BAG3: variants seen among roughly 807,000 people sequenced by gnomAD.
BAG3 encodes the protein BAG cochaperone 3, also known as BAG family molecular chaperone regulator 3.
BAG3 carries 14 observed loss-of-function variants against 40.5 expected under a neutral mutation model. That is an observed-to-expected ratio of 0.35 (90% CI 0.23 to 0.54). BAG3 has a LOEUF of 0.54. Ranked by LOEUF, BAG3 falls within the 20% of genes least tolerant of loss-of-function variation. The pLI, the probability that BAG3 is intolerant of heterozygous loss-of-function variation, is 0.91. For synonymous variants in BAG3, 302 were observed against 307.8 expected (o/e 0.98, Z 0.20); for missense variants, 788 against 758.6 (o/e 1.04, Z -0.46).
chr10:119,651,779 G>C lies in BAG3; in HGVS notation c.104G>C (p.Gly35Ala). The C allele has an allele frequency of 6.2e-7, 1 of 1,601,962 alleles. No homozygotes were observed. The highest frequency in any genetic ancestry group is 8.5e-7 in the Non-Finnish European group (1 of 1,174,832). Residue 35 changes from glycine to alanine, a missense_variant, in exon 1 of 4, where the codon GGC (glycine) becomes GCC (alanine). By Grantham distance (60) the Gly-to-Ala change is moderately conservative. Coordinates refer to ENST00000369085, the MANE Select transcript of BAG3 (RefSeq NM_004281.4). ...GWEIKIDPQT[G>A]WPFFVDHNSR... ...GAGATCAAGATCGACCCGCAGACCG[G>C]CTGGCCCTTCTTCGTGGACCACAAC...
chr10:119,676,578 A>C lies in BAG3; in HGVS notation c.1024A>C (p.Ile342Leu). The C allele has an allele frequency of 6.2e-7, 1 of 1,614,100 alleles. No individual in the cohort carries two copies. The highest frequency in any genetic ancestry group is 8.5e-7 in the Non-Finnish European group (1 of 1,180,022). ...TCCTGGACACATCCCAATTCAAGTG[A>C]TCCGCAAAGAGGTGGATTCTAAACC... ...LPPGHIPIQV[I>L]RKEVDSKPVS... is the part of the protein sequence containing the mutation. The change falls in exon 4 of 4, where the codon ATC becomes CTC. Residue 342 changes from isoleucine to leucine, a missense_variant. By Grantham distance (5) the Ile-to-Leu change is conservative (BLOSUM62 2). Coordinates refer to ENST00000369085, the MANE Select transcript of BAG3 (RefSeq NM_004281.4).
chr10:119,667,590 G>C (rs1847084507), intron 1 of BAG3, among the ~76,000 whole-genome samples: 1 of 152,160 alleles, frequency 6.6e-6, no homozygotes, highest in Non-Finnish European at 1.5e-5. Context: ...CCATCCCTCA[G>C]GGCCTCCGTG....
chr10:119,655,954 G>A (rs776367459), intron 1 of BAG3, among the ~76,000 whole-genome samples: 11 of 152,148 alleles, frequency 7.2e-5, no homozygotes, highest in Non-Finnish European at 1.5e-4. Context: ...CTGCTTGTGA[G>A]TCAGAAAGCT....
intron 1 of BAG3, among the ~76,000 whole-genome samples, chr10:119,659,367 A>G (rs1365542496): frequency 1.3e-5 from 2 of 152,328 alleles, no homozygotes; most frequent in South Asian, 2.1e-4. Context: ...GGCAGGAGCT[A>G]GGAGCGCTGC....
chr10:119,675,092 G>A (rs1377771554), intron 3 of BAG3, among the ~76,000 whole-genome samples: 3 of 152,214 alleles, frequency 2.0e-5, no homozygotes, highest in Non-Finnish European at 4.4e-5. Context: ...AGCACTTTGG[G>A]AGGCCGAGGT....
At chr10:119,651,882 G>A in intron 1 of BAG3, 27 bp downstream of exon 1, 1 of 1,502,660 alleles carries the variant, frequency 6.7e-7, no homozygotes, top group Non-Finnish European at 8.9e-7. Context: ...GCCCGCCCTG[G>A]TCGGTGGCGC....
chr10:119,667,256 C>T (rs1379968535), intron 1 of BAG3, among the ~76,000 whole-genome samples: 5 of 152,182 alleles, frequency 3.3e-5, no homozygotes. Flanking sequence ...GTATTACAGG[C>T]TTGAGCCACC....
rs780162994 is a variant in BAG3, at chr10:119,676,713, C to T, written c.1159C>T (p.Pro387Ser). 4 of 1,614,136 alleles carry T rather than the reference C, an allele frequency of 2.5e-6. No homozygotes were observed. Among genetic ancestry groups the T allele is most frequent in the East Asian group, 2.2e-5 (1 of 44,882 alleles). Residue 387 changes from proline to serine, a missense_variant, in exon 4 of 4, where the codon CCC becomes TCC. Coordinates refer to ENST00000369085, the MANE Select transcript of BAG3 (RefSeq NM_004281.4). ...SPGPSAVPSS[P>S]KSVATEERAA... is the part of the protein sequence containing the mutation. ...TGGCCCTTCTGCTGTCCCCTCTTCC[C>T]CCAAGAGTGTGGCTACAGAAGAGAG...
At chr10:119,671,488 G>A (rs1324062262) in intron 2 of BAG3, among the ~76,000 whole-genome samples, 1 of 152,120 alleles carries the variant, frequency 6.6e-6, no homozygotes, top group East Asian at 1.9e-4. Context: ...ACCTGCCTTG[G>A]GCCACACGGG....
At chr10:119,666,491 T>C (rs910430885) in intron 1 of BAG3, among the ~76,000 whole-genome samples, 1 of 152,172 alleles carries the variant, frequency 6.6e-6, no homozygotes, top group East Asian at 1.9e-4. Context: ...TTGTTTTTCC[T>C]TCCTCCCTCT....
At chr10:119,673,596 C>T (rs1847181353) in intron 3 of BAG3, among the ~76,000 whole-genome samples, 3 of 152,346 alleles carry the variant, frequency 2.0e-5, no homozygotes, top group Middle Eastern at 3.4e-3. Context: ...CTGAATGCTA[C>T]AGTTTTTAAA....
intron 1 of BAG3, among the ~76,000 whole-genome samples, chr10:119,654,058 C>CT (rs1846878969): frequency 6.6e-6 from 1 of 152,208 alleles, no homozygotes; most frequent in South Asian, 2.1e-4. Flanking sequence ...AAGGAGAAAA[C>CT]TAACATTCAG....
At chr10:119,660,954 G>A (rs1455101065) in intron 1 of BAG3, among the ~76,000 whole-genome samples, 2 of 152,168 alleles carry the variant, frequency 1.3e-5, no homozygotes, top group African/African-American at 2.4e-5. Context: ...TTAGCTGGGT[G>A]TGGTGGCACA....
chr10:119,674,127 C>T (rs185527124), intron 3 of BAG3, among the ~76,000 whole-genome samples: 5 of 152,354 alleles, frequency 3.3e-5, no homozygotes, highest in African/African-American at 9.6e-5. Context: ...TTTGCTTTCA[C>T]GGCCTTGACG....
chr10:119,668,039 C>G (rs1388868083), intron 1 of BAG3, among the ~76,000 whole-genome samples: 1 of 152,238 alleles, frequency 6.6e-6, no homozygotes, highest in Non-Finnish European at 1.5e-5. Context: ...GAGGCCTGGA[C>G]CTGCTCCTGC....
Position 119,677,522 on chromosome 10 carries a change from G to A in BAG3, c.*240G>A, listed in dbSNP as rs532438186. 6.2e-4 allele frequency: 72 copies of A among 115,380 alleles called. No individual in the cohort carries two copies. Among genetic ancestry groups the A allele is most frequent in the Non-Finnish European group, 1.4e-3 (64 of 45,590 alleles). The allele number at this position is 115,380 out of a possible 1,614,324, so 7.1% of individuals were successfully genotyped here. ...TTTGAGAAGTTTAACCCCGTTGCTT[G>A]TTGTTCTGCAGCCCTGTCTACTTGG... On this transcript the variant is annotated 3_prime_UTR_variant, in exon 4 of 4. Coordinates refer to ENST00000369085, the MANE Select transcript of BAG3 (RefSeq NM_004281.4).
chr10:119,676,875 A>G lies in BAG3; in HGVS notation c.1321A>G (p.Asn441Asp), dbSNP rs201181493. ...ACAGGGGCTGGAGCAGGCTGTAGAC[A>G]ACTTTGAAGGCAAGAAGACTGACAA... ...KVQGLEQAVDNFEGKKTDKKY... is the reference protein window; with the variant it reads ...KVQGLEQAVDDFEGKKTDKKY... Residue 441 changes from asparagine to aspartate, a missense_variant, in exon 4 of 4, where the codon AAC becomes GAC. Physicochemically the swap from Asn to Asp is conservative, Grantham distance 23. Transcript: ENST00000369085. 6.4e-5 allele frequency: 103 copies of G among 1,614,094 alleles called. No individual in the cohort carries two copies. The highest frequency in any genetic ancestry group is 6.9e-5 in the Non-Finnish European group (82 of 1,180,048).
In BAG3 at chr10:119,676,604, T is replaced by G. The variant is rs765865667; in HGVS notation, c.1050T>G (p.Pro350=). The G allele has an allele frequency of 1.2e-6, 2 of 1,613,990 alleles. No homozygotes were observed. The highest frequency in any genetic ancestry group is 2.7e-5 in the African/African-American group (2 of 74,886). ...QVIRKEVDSK[P]VSQKPPPPSE... is the part of the protein sequence containing the mutation. The stretch of plus-strand genomic sequence containing the variant: ...TCCGCAAAGAGGTGGATTCTAAACC[T>G]GTTTCCCAGAAGCCCCCACCTCCCT... Residue 350 remains proline (P), a synonymous_variant, in exon 4 of 4, where the codon CCT becomes CCG. Coordinates refer to ENST00000369085, the MANE Select transcript of BAG3 (RefSeq NM_004281.4).
chr10:119,673,280 G>A (rs981078603), intron 3 of BAG3, among the ~76,000 whole-genome samples: 3 of 152,256 alleles, frequency 2.0e-5, no homozygotes, highest in African/African-American at 7.2e-5. Flanking sequence ...CATTATTCGG[G>A]GCATTTCAGA....
Sources: gnomAD v4.1 joint callset for allele counts (sites outside exome capture counted in the v4.1 genomes callset) on GRCh38, gnomAD v4.1.1 for gene constraint, MANE v1.5 for transcripts, NCBI Gene and HGNC (gene_info 2026-07-23, HGNC 2026-07-21) for gene names.